Variants in TTC7A observed in about 807,000 individuals in gnomAD.
TTC7A encodes the protein tetratricopeptide repeat domain 7A, also known as tetratricopeptide repeat protein 7A.
TTC7A carries 110 observed loss-of-function variants against 103.7 expected under a neutral mutation model. That is an observed-to-expected ratio of 1.06 (90% CI 0.91 to 1.24). TTC7A has a LOEUF of 1.24. TTC7A is among the 50% of genes most tolerant of loss of function. TTC7A has a pLI of 0.00. For missense variants in TTC7A, 1,340 were observed against 1,116.3 expected, an observed-to-expected ratio of 1.20 and a Z score of -2.86; for synonymous variants, 521 against 467.9, an observed-to-expected ratio of 1.11 and a Z score of -1.47.
chr2:47,051,016 C>T (rs1264729614), intron 17 of TTC7A, among the ~76,000 whole-genome samples: 1 of 152,192 alleles, frequency 6.6e-6, no homozygotes, highest in African/African-American at 2.4e-5. Flanking sequence ...ATGTCCTGAA[C>T]CGGAGCCCAT....
intron 8 of TTC7A, among the ~76,000 whole-genome samples, chr2:47,003,137 G>T (rs1677012230): frequency 6.6e-6 from 1 of 152,192 alleles, no homozygotes; most frequent in Non-Finnish European, 1.5e-5. Context: ...GGTGGACAGG[G>T]GGAGGTTTCC....
At chr2:46,966,097 G>A (rs57638429) in intron 3 of TTC7A, among the ~76,000 whole-genome samples, 14,515 of 152,060 alleles carry the variant, frequency 0.095, 912 homozygotes, top group Admixed American at 0.15. Flanking sequence ...TTACAGGCAT[G>A]CGCCACCACG....
intron 19 of TTC7A, among the ~76,000 whole-genome samples, chr2:47,069,648 A>T (rs1340623102): frequency 6.6e-6 from 1 of 152,148 alleles, no homozygotes; most frequent in Non-Finnish European, 1.5e-5. Flanking sequence ...TTCAGCCTGG[A>T]GAGGCGCCTC....
intron 1 of TTC7A, chr2:46,917,110 T>A: frequency 1.4e-6 from 1 of 692,240 alleles, no homozygotes; most frequent in East Asian, 2.7e-5. Context: ...CCCACCTTCA[T>A]CTGAGATTGA....
At chr2:47,002,961 T>G (rs1349388043) in intron 8 of TTC7A, among the ~76,000 whole-genome samples, 1 of 152,150 alleles carries the variant, frequency 6.6e-6, no homozygotes, top group Non-Finnish European at 1.5e-5. Context: ...ATTGAGGGCC[T>G]ATCACCAGCC....
At chr2:46,950,554 C>T (rs746105573) in intron 2 of TTC7A, 28 bp downstream of exon 2, 2 of 1,610,868 alleles carry the variant, frequency 1.2e-6, no homozygotes, top group Admixed American at 1.7e-5. Flanking sequence ...AAGCCTGAGA[C>T]CTCCTCTCCT....
intron 10 of TTC7A, among the ~76,000 whole-genome samples, chr2:47,009,857 A>G (rs552505936): frequency 7.0e-6 from 1 of 142,602 alleles, no homozygotes; most frequent in Admixed American, 7.3e-5. Flanking sequence ...TTCTTAGAAA[A>G]GGTTCCAGCC....
intron 5 of TTC7A, among the ~76,000 whole-genome samples, chr2:46,984,979 A>C (rs1402263229): frequency 6.6e-6 from 1 of 152,092 alleles, no homozygotes; most frequent in East Asian, 1.9e-4. Context: ...GGGACCCTGA[A>C]TCACCATTCT....
chr2:47,031,464 T>C (rs1282949730), intron 15 of TTC7A, among the ~76,000 whole-genome samples: 2 of 152,106 alleles, frequency 1.3e-5, no homozygotes, highest in Admixed American at 1.3e-4. Flanking sequence ...TCAGTTAGGC[T>C]TCATCGGAAA....
chr2:46,988,036 C>G (rs1045729895), intron 5 of TTC7A, among the ~76,000 whole-genome samples: 3 of 152,142 alleles, frequency 2.0e-5, no homozygotes, highest in Non-Finnish European at 4.4e-5. Flanking sequence ...ATCTGGGGTT[C>G]CAGGGCCACA....
intron 5 of TTC7A, among the ~76,000 whole-genome samples, chr2:46,988,639 C>T (rs963975033): frequency 4.6e-5 from 7 of 152,228 alleles, no homozygotes; most frequent in South Asian, 2.1e-4. Flanking sequence ...GAATACTTGG[C>T]TAATCTCTAT....
In TTC7A at chr2:47,033,052, G is replaced by A. The variant is rs767801159; in HGVS notation, c.1802+3668G>A. Among the ~76,000 whole-genome samples the A allele has an allele frequency of 7.9e-5, 12 of 152,132 alleles. No homozygotes were observed. In the South Asian group the frequency reaches 1.5e-3, roughly 18 times the overall value. On this transcript the variant is annotated intron_variant, in intron 15 of 19. Transcript: ENST00000319190. Reference sequence around the variant, plus strand: ...CCCACAGATGAAACCTCAGAGCATAGAAACCCATGGATTAGCAGGAAATGT... The same window carrying A: ...CCCACAGATGAAACCTCAGAGCATAAAAACCCATGGATTAGCAGGAAATGT...
At chr2:46,926,276 A>C (rs1168435859) in intron 2 of TTC7A, among the ~76,000 whole-genome samples, 1 of 152,228 alleles carries the variant, frequency 6.6e-6, no homozygotes, top group Non-Finnish European at 1.5e-5. Context: ...TTAGTTCCAC[A>C]CACTGAGTAT....
chr2:46,980,207 A>C (rs1572798440), intron 5 of TTC7A, among the ~76,000 whole-genome samples: 1 of 137,822 alleles, frequency 7.3e-6, no homozygotes, highest in Admixed American at 7.5e-5. Flanking sequence ...TCTACCCTAT[A>C]CTCTCTCTCT....
intron 13 of TTC7A, among the ~76,000 whole-genome samples, chr2:47,024,071 C>A (rs552205051): frequency 6.6e-6 from 1 of 152,240 alleles, no homozygotes; most frequent in Non-Finnish European, 1.5e-5. Flanking sequence ...GAGTGCCAGC[C>A]CCCTCAGGCC....
intron 2 of TTC7A, among the ~76,000 whole-genome samples, chr2:46,956,166 T>C (rs558783336): frequency 1.8e-4 from 28 of 152,216 alleles, no homozygotes; most frequent in African/African-American, 6.3e-4. Context: ...GGGATGGAGA[T>C]TGAGATGTAA....
chr2:46,978,933 G>A (rs575171754), intron 5 of TTC7A, 26 bp downstream of exon 5: 2 of 1,544,592 alleles, frequency 1.3e-6, no homozygotes, highest in East Asian at 2.2e-5. Context: ...TTGAGTGAGT[G>A]GGAGAACGAT....
Position 47,051,852 on chromosome 2 carries a change from C to G in TTC7A, c.2124C>G (p.Thr708=), listed in dbSNP as rs770431163. The part of the protein sequence containing the change: ...VLKQGPMQLW[T]TLEQIWLQAA... ...AGCAGGGCCCCATGCAGCTGTGGACCACGCTGGAACAGATCTGGCTGCAGG... is the reference window on the plus strand; with the variant it reads ...AGCAGGGCCCCATGCAGCTGTGGACGACGCTGGAACAGATCTGGCTGCAGG... Residue 708 remains threonine (T), a synonymous_variant, in exon 18 of 20, where the codon ACC becomes ACG. Transcript: ENST00000319190. The G allele has an allele frequency of 6.2e-7, 1 of 1,611,562 alleles. No homozygotes were observed. Among genetic ancestry groups the G allele is most frequent in the Non-Finnish European group, 8.5e-7 (1 of 1,179,360 alleles).
intron 2 of TTC7A, among the ~76,000 whole-genome samples, chr2:46,931,923 T>C (rs1669727192): frequency 6.6e-6 from 1 of 152,166 alleles, no homozygotes; most frequent in Non-Finnish European, 1.5e-5. Flanking sequence ...ACAACTAAGT[T>C]GATTCCAGAA....
Sources: allele counts gnomAD v4.1 joint callset (sites outside exome capture counted in the v4.1 genomes callset), GRCh38; gene constraint gnomAD v4.1.1; transcripts MANE v1.5; gene names NCBI Gene and HGNC (gene_info 2026-07-23, HGNC 2026-07-21).